Variants in NBPF8 observed in about 807,000 individuals in gnomAD.
NBPF8 encodes NBPF family member NBPF8.
intron 1 of NBPF8, among the ~76,000 whole-genome samples, chr1:120,425,136 G>A (rs1570926947): frequency 6.6e-6 from 1 of 151,976 alleles, no homozygotes; most frequent in Admixed American, 6.6e-5. Flanking sequence ...TCGTGGGAAG[G>A]GAAAGACCTG....
At chr1:120,460,956 T>C (rs1452379657) in intron 18 of NBPF8, among the ~76,000 whole-genome samples, 1 of 151,302 alleles carries the variant, frequency 6.6e-6, no homozygotes, top group South Asian at 2.1e-4. Flanking sequence ...AGAGCACAAA[T>C]ACAGAGTGTC....
At chr1:120,456,014 A>G (rs1661426638) in intron 16 of NBPF8, among the ~76,000 whole-genome samples, 1 of 151,734 alleles carries the variant, frequency 6.6e-6, no homozygotes, top group South Asian at 2.1e-4. Flanking sequence ...TTCTGCCTTC[A>G]TTTTGTTATT....
intron 13 of NBPF8, among the ~76,000 whole-genome samples, chr1:120,452,712 C>A (rs1474959475): frequency 6.6e-6 from 1 of 152,264 alleles, no homozygotes; most frequent in Non-Finnish European, 1.5e-5. Flanking sequence ...GAGTGAATGA[C>A]TTGTCCTTCC....
At chr1:120,431,952 A>G (rs1660892216), upstream of NBPF8, among the ~76,000 whole-genome samples, 1 of 133,902 alleles carries the variant, frequency 7.5e-6, no homozygotes, top group Non-Finnish European at 1.6e-5. Context: ...CCAACTCAAA[A>G]TTGGAAAGTT....
At chr1:120,449,526 T>C (rs1661197663) in intron 11 of NBPF8, 124 bp downstream of exon 9, 1 of 864,158 alleles carries the variant, frequency 1.2e-6, no homozygotes, top group African/African-American at 1.7e-5. Context: ...AAAACAGAAA[T>C]GGGTATTTTA....
At chr1:120,462,404 A>T (rs1298373426) in intron 20 of NBPF8, among the ~76,000 whole-genome samples, 1 of 148,204 alleles carries the variant, frequency 6.7e-6, no homozygotes, top group African/African-American at 2.5e-5. Context: ...TAGGTTGACC[A>T]TACCTCAAAG....
intron 13 of NBPF8, among the ~76,000 whole-genome samples, chr1:120,452,784 TG>T (rs1325011227): frequency 6.6e-6 from 1 of 152,164 alleles, no homozygotes; most frequent in Non-Finnish European, 1.5e-5. Flanking sequence ...CATTCAAATG[TG>T]GGAACACTTA....
At chr1:120,433,334 C>T (rs1553247284), upstream of NBPF8, 1 of 152,584 alleles carries the variant, frequency 6.6e-6, no homozygotes, top group African/African-American at 2.4e-5. Flanking sequence ...GTAATGGTGT[C>T]AGTATTCATA....
intron 20 of NBPF8, 55 bp downstream of exon 18, chr1:120,462,252 G>C (rs1465075216): frequency 4.3e-6 from 3 of 700,104 alleles, no homozygotes; most frequent in East Asian, 5.5e-5. Flanking sequence ...GGAGATGCCA[G>C]GTCCAGGGAA....
chr1:120,434,036 C>T (rs1553247417), upstream of NBPF8: 1,970 of 155,986 alleles, frequency 0.013, 21 homozygotes, highest in Non-Finnish European at 0.02. Context: ...AGGTCCCGTC[C>T]GCCACGAGGC....
At chr1:120,466,048 A>C (rs1293856652) in exon 25 of NBPF8, 123 of 1,611,536 alleles carry the variant, frequency 7.6e-5, no homozygotes, top group Non-Finnish European at 1.0e-4. Flanking sequence ...ATGTTATTCG[A>C]CTCCATCAAT....
upstream of NBPF8, among the ~76,000 whole-genome samples, chr1:120,431,516 A>G (rs1163311828): frequency 6.6e-6 from 1 of 151,674 alleles, no homozygotes. Context: ...TGAATGGGCA[A>G]TTAGCATAGG....
upstream of NBPF8, among the ~76,000 whole-genome samples, chr1:120,435,873 T>G: frequency 6.8e-6 from 1 of 146,956 alleles, no homozygotes; most frequent in Non-Finnish European, 1.5e-5. Flanking sequence ...CTCAAAAAAA[T>G]AAAAAAGTCA....
exon 1 of NBPF8, chr1:120,436,530 T>G (rs9441132): frequency 0.2 from 311,264 of 1,520,780 alleles, 39,555 homozygotes; most frequent in East Asian, 0.68. Flanking sequence ...AGCATGGTGG[T>G]ATCAGCCGGC....
upstream of NBPF8, among the ~76,000 whole-genome samples, chr1:120,434,452 C>T (rs1402274163): frequency 4.8e-5 from 7 of 144,860 alleles, no homozygotes; most frequent in South Asian, 8.7e-4. Context: ...TGGTTTGCTG[C>T]ACCCATTAAC....
In NBPF8 at chr1:120,427,088, C is replaced by T. The variant is rs1342553595; in HGVS notation, n.369-618C>T. Among the ~76,000 whole-genome samples, 3 of 124,576 alleles carry T rather than the reference C, an allele frequency of 2.4e-5. No homozygotes were observed. The East Asian group carries it at 5.9e-4, about 24-fold the overall frequency. The allele number at this position is 124,576 out of a possible 152,430, so 81.7% of individuals were successfully genotyped here. On this transcript the variant is annotated intron_variant and non_coding_transcript_variant, in intron 2 of 28. Coordinates refer to the NBPF8 transcript ENST00000652355. ...CACTCAAAATGTTTTTGAGATTCAT[C>T]CATGTTGTTTTGTGTGTCAAAAGTT...
intron 12 of NBPF8, 111 bp from the exon 11 acceptor site, chr1:120,452,006 T>C: frequency 1.6e-6 from 2 of 1,216,440 alleles, no homozygotes; most frequent in South Asian, 2.4e-5. Context: ...TGTGCTGACC[T>C]TCTGTTTCAA....
upstream of NBPF8, among the ~76,000 whole-genome samples, chr1:120,419,499 T>C (rs1426834866): frequency 1.3e-5 from 2 of 151,852 alleles, no homozygotes; most frequent in African/African-American, 2.4e-5. Context: ...TATTTTTTTT[T>C]CCCCCAGGCT....
At position 120,460,462 on chromosome 1, in the gene NBPF8, T is replaced by C. The variant is rs1661549107; in HGVS notation, n.2785-111T>C. 2.5e-5 allele frequency: 20 copies of C among 803,698 alleles called. No individual in the cohort carries two copies. The South Asian group carries it at 2.7e-4, about 11-fold the overall frequency. 49.8% of individuals were successfully genotyped at this position (803,698 alleles called of 1,614,324 possible). On this transcript the variant is annotated intron_variant and non_coding_transcript_variant, in intron 17 of 24. Coordinates refer to ENST00000583271, the Ensembl canonical transcript of NBPF8. The stretch of plus-strand genomic sequence containing the variant: ...GGAATATTTCTCTCAAAGTCTCCTG[T>C]TCTCACATTGACAAGACTGATGTCC...
Sources: gnomAD v4.1 joint callset for allele counts (sites outside exome capture counted in the v4.1 genomes callset) on GRCh38, gnomAD v4.1.1 for gene constraint, MANE v1.5 for transcripts, NCBI Gene and HGNC (gene_info 2026-07-23, HGNC 2026-07-21) for gene names.